RIMS1: variants seen among roughly 807,000 people sequenced by gnomAD.
The protein encoded by RIMS1 is regulating synaptic membrane exocytosis protein 1.
Under a neutral mutation model 214.1 loss-of-function variants are expected in RIMS1, and 83 were observed. The observed-to-expected ratio is 0.39, with a 90% CI of 0.32 to 0.47. The LOEUF (loss-of-function observed/expected upper bound fraction) is 0.47. Among genes scored for constraint, RIMS1 ranks in the 20% least tolerant of loss-of-function variants. The probability of loss-of-function intolerance (pLI) is 0.99; values close to 1 mark genes in which losing one functional copy is unlikely to be tolerated. For missense variants in RIMS1, 2,050 were observed against 2,161.8 expected (o/e 0.95, Z 1.03); for synonymous variants, 793 against 786.8 (o/e 1.01, Z -0.13).
At chr6:72,128,230 T>A (rs1562379847) in intron 4 of RIMS1, among the ~76,000 whole-genome samples, 1 of 152,126 alleles carries the variant, frequency 6.6e-6, no homozygotes, top group Non-Finnish European at 1.5e-5. Flanking sequence ...GGCAAAAGTC[T>A]TATTTAACCT....
At chr6:72,334,247 A>G (rs2096767196) in intron 29 of RIMS1, among the ~76,000 whole-genome samples, 2 of 151,886 alleles carry the variant, frequency 1.3e-5, no homozygotes, top group South Asian at 2.1e-4. Context: ...GTGCAACGTG[A>G]CATATACTCT....
At chr6:72,322,098 T>A (rs2064401) in intron 28 of RIMS1, among the ~76,000 whole-genome samples, 52,033 of 152,152 alleles carry the variant, frequency 0.34, 9,275 homozygotes, top group Non-Finnish European at 0.39. Flanking sequence ...CCAAAAATAG[T>A]TGCTTACTTG....
At chr6:72,388,507 T>G (rs911343270) in intron 29 of RIMS1, among the ~76,000 whole-genome samples, 2 of 152,240 alleles carry the variant, frequency 1.3e-5, no homozygotes, top group African/African-American at 4.8e-5. Context: ...AGGGGAATGA[T>G]ATATTCAGAT....
chr6:72,302,044 A>G (rs2094663252), intron 26 of RIMS1, among the ~76,000 whole-genome samples: 1 of 151,664 alleles, frequency 6.6e-6, no homozygotes, highest in South Asian at 2.1e-4. Context: ...GAAATACTAT[A>G]GAATCATAGA....
chr6:72,224,565 A>G (rs539716494), intron 6 of RIMS1, among the ~76,000 whole-genome samples: 1 of 152,204 alleles, frequency 6.6e-6, no homozygotes, highest in Non-Finnish European at 1.5e-5. Context: ...TTTTTAAATA[A>G]TTATATTGGA....
chr6:71,983,866 T>G (rs1405040111), intron 2 of RIMS1, among the ~76,000 whole-genome samples: 4 of 152,248 alleles, frequency 2.6e-5, no homozygotes, highest in Non-Finnish European at 5.9e-5. Context: ...AATTCCATTT[T>G]TATCATATTA....
chr6:72,302,896 A>G (rs1383760029), intron 26 of RIMS1, among the ~76,000 whole-genome samples: 1 of 151,062 alleles, frequency 6.6e-6, no homozygotes, highest in Non-Finnish European at 1.5e-5. Flanking sequence ...GCTTGAAAAT[A>G]TTAGGAGGTT....
intron 2 of RIMS1, among the ~76,000 whole-genome samples, 194 bp downstream of exon 2, chr6:71,969,257 C>A (rs1795218480): frequency 6.6e-6 from 1 of 152,090 alleles, no homozygotes; most frequent in Non-Finnish European, 1.5e-5. Context: ...GTTTCTAATA[C>A]CATATTGAAA....
intron 2 of RIMS1, among the ~76,000 whole-genome samples, chr6:71,971,056 AGTGCCCCCC>A (rs1476853055): frequency 6.6e-6 from 1 of 152,180 alleles, no homozygotes; most frequent in Non-Finnish European, 1.5e-5. Flanking sequence ...AGAAAATATG[AGTGCCCCCC>A]AGGTTAGTAT....
At chr6:72,384,692 G>A (rs2098554222) in intron 29 of RIMS1, among the ~76,000 whole-genome samples, 1 of 151,946 alleles carries the variant, frequency 6.6e-6, no homozygotes, top group African/African-American at 2.4e-5. Flanking sequence ...ATATTTACCA[G>A]CATAGATTTT....
intron 2 of RIMS1, among the ~76,000 whole-genome samples, chr6:71,993,089 T>C (rs147507021): frequency 3.5e-4 from 53 of 152,308 alleles, no homozygotes; most frequent in Middle Eastern, 3.4e-3. Flanking sequence ...TAAGGAAAAA[T>C]TGGATTTAAT....
intron 6 of RIMS1, among the ~76,000 whole-genome samples, chr6:72,205,740 T>C (rs1157908638): frequency 1.3e-5 from 2 of 152,176 alleles, no homozygotes; most frequent in African/African-American, 4.8e-5. Flanking sequence ...TAATAAATAC[T>C]TTATGATAGA....
chr6:72,005,841 A>T (rs1807340898), intron 2 of RIMS1, among the ~76,000 whole-genome samples: 1 of 152,256 alleles, frequency 6.6e-6, no homozygotes, highest in Admixed American at 6.5e-5. Context: ...TCAGAAACCA[A>T]GTAAATGAGA....
At chr6:72,314,110 A>G (rs1669709452) in intron 28 of RIMS1, among the ~76,000 whole-genome samples, 1 of 152,138 alleles carries the variant, frequency 6.6e-6, no homozygotes, top group African/African-American at 2.4e-5. Context: ...CAAAATAGAC[A>G]TCCCTAGTTA....
chr6:72,011,098 C>G (rs1033559977), intron 2 of RIMS1, among the ~76,000 whole-genome samples: 1 of 152,082 alleles, frequency 6.6e-6, no homozygotes, highest in Non-Finnish European at 1.5e-5. Flanking sequence ...GCTGCAGTAA[C>G]CAAAACAGCA....
At chr6:72,252,037 T>C (rs2073612519) in intron 15 of RIMS1, among the ~76,000 whole-genome samples, 1 of 152,170 alleles carries the variant, frequency 6.6e-6, no homozygotes, top group Non-Finnish European at 1.5e-5. Context: ...TTAATAGTTA[T>C]TCATAAGAAA....
At chr6:72,250,294 A>C in intron 12 of RIMS1, 36 bp from the exon 13 acceptor site, 1 of 1,577,750 alleles carries the variant, frequency 6.3e-7, no homozygotes, top group Non-Finnish European at 8.6e-7. Flanking sequence ...ATGCCTCATG[A>C]TTTTTACAAA....
intron 11 of RIMS1, among the ~76,000 whole-genome samples, chr6:72,246,900 A>G (rs1406286132): frequency 6.6e-6 from 1 of 152,214 alleles, no homozygotes; most frequent in Non-Finnish European, 1.5e-5. Context: ...AAAGACACAT[A>G]GTAACAATTT....
chr6:72,306,318 T>G (rs2095160750), intron 26 of RIMS1, among the ~76,000 whole-genome samples: 1 of 152,026 alleles, frequency 6.6e-6, no homozygotes, highest in Non-Finnish European at 1.5e-5. Flanking sequence ...AGTTGAGTTG[T>G]CTGGGAAGTT....
Sources: allele counts gnomAD v4.1 joint callset (sites outside exome capture counted in the v4.1 genomes callset), GRCh38; gene constraint gnomAD v4.1.1; transcripts MANE v1.5; gene names NCBI Gene and HGNC (gene_info 2026-07-23, HGNC 2026-07-21).